The following WDR7 variants were observed in gnomAD, a reference collection of about 807,000 sequenced individuals.
WDR7 encodes WD repeat domain 7.
Under a neutral mutation model 169.4 loss-of-function variants are expected in WDR7, and 46 were observed. The ratio of observed to expected loss-of-function variants is 0.27; its 90% CI spans 0.21 to 0.35. The LOEUF (loss-of-function observed/expected upper bound fraction) is 0.35, where lower values mean the gene tolerates loss of function less well. WDR7 is among the 10% of genes least tolerant of loss of function. The pLI is 1.00. For missense variants in WDR7, 1,534 were observed against 1,859.3 expected, an observed-to-expected ratio of 0.83 and a Z score of 3.22; for synonymous variants, 612 against 666.8, an observed-to-expected ratio of 0.92 and a Z score of 1.27.
chr18:56,989,804 A>C (rs1390704877), intron 26 of WDR7, among the ~76,000 whole-genome samples: 4 of 152,148 alleles, frequency 2.6e-5, no homozygotes, highest in Non-Finnish European at 5.9e-5. Flanking sequence ...TACATTGAAA[A>C]TGTCCAGAAT....
chr18:56,808,867 T>A (rs2044821053), intron 19 of WDR7, among the ~76,000 whole-genome samples: 1 of 152,200 alleles, frequency 6.6e-6, no homozygotes, highest in Non-Finnish European at 1.5e-5. Context: ...TGAAGTGGCT[T>A]AAAAAATATT....
chr18:56,991,364 C>G (rs986538532), intron 26 of WDR7, among the ~76,000 whole-genome samples: 16 of 152,208 alleles, frequency 1.1e-4, no homozygotes, highest in African/African-American at 3.6e-4. Context: ...CCAGGATGGT[C>G]TCGATCTTCT....
chr18:56,741,668 A>G (rs1356045103), intron 14 of WDR7, among the ~76,000 whole-genome samples: 2 of 152,216 alleles, frequency 1.3e-5, no homozygotes, highest in Non-Finnish European at 1.5e-5. Flanking sequence ...TTTCCAACTC[A>G]GGGTACCTTT....
At chr18:56,726,602 G>C in intron 13 of WDR7, among the ~76,000 whole-genome samples, 1 of 152,132 alleles carries the variant, frequency 6.6e-6, no homozygotes, top group Non-Finnish European at 1.5e-5. Flanking sequence ...CTGCAAACAG[G>C]GACAATTTGA....
At chr18:56,834,921 A>G (rs1201424564) in intron 20 of WDR7, among the ~76,000 whole-genome samples, 4 of 152,140 alleles carry the variant, frequency 2.6e-5, no homozygotes, top group Admixed American at 2.6e-4. Context: ...TCCCTGCTTT[A>G]TGACCTCTGT....
intron 20 of WDR7, among the ~76,000 whole-genome samples, chr18:56,837,211 A>G (rs2045409726): frequency 6.6e-6 from 1 of 152,224 alleles, no homozygotes. Context: ...AAAACTAGCA[A>G]CTATTCAGAT....
intron 21 of WDR7, among the ~76,000 whole-genome samples, chr18:56,880,496 G>A (rs1358345064): frequency 5.9e-5 from 9 of 152,192 alleles, no homozygotes; most frequent in African/African-American, 2.2e-4. Flanking sequence ...AAACTATGCA[G>A]TTTGTTCTGA....
intron 19 of WDR7, among the ~76,000 whole-genome samples, chr18:56,796,194 T>A (rs1054168958): frequency 3.9e-5 from 6 of 152,202 alleles, no homozygotes; most frequent in Non-Finnish European, 7.3e-5. Flanking sequence ...GTTGGATAGC[T>A]ATGCACATAG....
intron 26 of WDR7, among the ~76,000 whole-genome samples, chr18:56,999,503 A>T (rs1007565119): frequency 2.0e-5 from 3 of 152,126 alleles, no homozygotes; most frequent in African/African-American, 7.2e-5. Context: ...TAGGAAAGAG[A>T]AGTAAAAAAT....
At chr18:56,666,332 T>C (rs2025024235) in intron 1 of WDR7, among the ~76,000 whole-genome samples, 1 of 151,480 alleles carries the variant, frequency 6.6e-6, no homozygotes, top group South Asian at 2.1e-4. Flanking sequence ...GCCTTTCTAG[T>C]AGCTGGGATT....
intron 25 of WDR7, among the ~76,000 whole-genome samples, chr18:56,960,062 A>T (rs1188057875): frequency 1.3e-5 from 2 of 152,218 alleles, no homozygotes; most frequent in East Asian, 3.8e-4. Flanking sequence ...AGATTAAAAC[A>T]TGCCTTATGA....
chr18:56,801,905 G>T (rs2044679401), intron 19 of WDR7, among the ~76,000 whole-genome samples: 1 of 152,138 alleles, frequency 6.6e-6, no homozygotes, highest in Non-Finnish European at 1.5e-5. Flanking sequence ...TGAAGCTCCA[G>T]TAGCTATTCA....
chr18:56,878,516 G>A (rs2046060573), intron 20 of WDR7, among the ~76,000 whole-genome samples: 1 of 152,038 alleles, frequency 6.6e-6, no homozygotes, highest in Non-Finnish European at 1.5e-5. Flanking sequence ...AAATTAATGG[G>A]CACATTAATA....
intron 14 of WDR7, among the ~76,000 whole-genome samples, chr18:56,739,034 T>C (rs922954831): frequency 1.3e-5 from 2 of 151,856 alleles, no homozygotes; most frequent in Non-Finnish European, 2.9e-5. Flanking sequence ...CTAAATTGCT[T>C]CTTTATAAAC....
At chr18:56,665,880 A>G (rs1481919129) in intron 1 of WDR7, among the ~76,000 whole-genome samples, 2 of 152,152 alleles carry the variant, frequency 1.3e-5, no homozygotes, top group African/African-American at 4.8e-5. Flanking sequence ...TTGAGTCGTG[A>G]TGAGTCTCAG....
intron 26 of WDR7, among the ~76,000 whole-genome samples, chr18:56,978,748 T>C (rs981069848): frequency 1.3e-5 from 2 of 152,164 alleles, no homozygotes; most frequent in Admixed American, 6.5e-5. Context: ...AATTTCAAAA[T>C]AGACTCCTCC....
At chr18:56,988,079 C>T (rs2047750655) in intron 26 of WDR7, among the ~76,000 whole-genome samples, 1 of 152,184 alleles carries the variant, frequency 6.6e-6, no homozygotes, top group Non-Finnish European at 1.5e-5. Flanking sequence ...TGTGTCTGTT[C>T]ATCACGCCTC....
chr18:56,850,878 C>A lies in WDR7; in HGVS notation c.3305-29066C>A, dbSNP rs568146009. The stretch of plus-strand genomic sequence containing the variant: ...ATGTTTCTTCTCTTGTTCTAGGATA[C>A]CACCATTCACTGTTTATTCCAGCCA... On this transcript the variant is annotated intron_variant, in intron 20 of 27. Coordinates refer to ENST00000254442, the MANE Select transcript of WDR7 (RefSeq NM_015285.3). Among the ~76,000 whole-genome samples the A allele has an allele frequency of 2.6e-5, 4 of 152,226 alleles. No individual in the cohort carries two copies. The South Asian group carries it at 8.3e-4, about 32-fold the overall frequency.
At chr18:56,899,441 A>T (rs1264501335) in intron 21 of WDR7, among the ~76,000 whole-genome samples, 2 of 152,088 alleles carry the variant, frequency 1.3e-5, no homozygotes, top group African/African-American at 4.8e-5. Context: ...GTCATAGGAG[A>T]AAAAAAGAAA....
Sources: allele counts gnomAD v4.1 joint callset (sites outside exome capture counted in the v4.1 genomes callset), GRCh38; gene constraint gnomAD v4.1.1; transcripts MANE v1.5; gene names NCBI Gene and HGNC (gene_info 2026-07-23, HGNC 2026-07-21).